SND1: variants seen among roughly 807,000 people sequenced by gnomAD.
SND1 encodes staphylococcal nuclease and tudor domain containing 1.
SND1 carries 38 observed loss-of-function variants against 121.7 expected under a neutral mutation model. The observed-to-expected ratio is 0.31, with a 90% CI of 0.24 to 0.41. The LOEUF is 0.41. SND1 is among the 10% of genes least tolerant of loss of function. SND1 has a pLI of 1.00. For synonymous variants in SND1, 401 were observed against 447.4 expected, an observed-to-expected ratio of 0.90 and a Z score of 1.31; for missense variants, 868 against 1,184.6, an observed-to-expected ratio of 0.73 and a Z score of 3.92.
At chr7:127,717,357 CT>C (rs528626869) in intron 9 of SND1, among the ~76,000 whole-genome samples, 5 of 151,732 alleles carry the variant, frequency 3.3e-5, no homozygotes, top group East Asian at 1.9e-4. Context: ...GTGTCTCAGA[CT>C]TTTTTTTTGT....
At chr7:128,087,149 G>C in intron 21 of SND1, 98 bp downstream of exon 21, 1 of 889,656 alleles carries the variant, frequency 1.1e-6, no homozygotes, top group Non-Finnish European at 1.8e-6. Flanking sequence ...TGGAAACTAT[G>C]ATGGTCTCTT....
chr7:128,074,606 CA>C lies in SND1; in HGVS notation c.1886del (p.Lys629ArgfsTer41). The C allele has an allele frequency of 6.2e-7, 1 of 1,613,924 alleles. No individual in the cohort carries two copies. ...TCCTGCTGGTGGAGCACGCGCTCTCCAAGGTCCACTTCACCGCCGAACGCAG... is the reference window on the plus strand; with the variant it reads ...TCCTGCTGGTGGAGCACGCGCTCTCCAGGTCCACTTCACCGCCGAACGCAG... Reference protein sequence around the residue: ...SVLLVEHALSKVHFTAERSSY... With the variant: ...SVLLVEHALSXVHFTAERSSY... On this transcript the variant is annotated frameshift_variant, in exon 17 of 24. Transcript: ENST00000354725. LOFTEE classifies it high-confidence loss of function.
intron 10 of SND1, among the ~76,000 whole-genome samples, chr7:127,754,903 A>T (rs2116463723): frequency 6.6e-6 from 1 of 152,338 alleles, no homozygotes; most frequent in South Asian, 2.1e-4. Flanking sequence ...AGAGTATAGT[A>T]TTCAAGTTGT....
chr7:127,824,994 G>A (rs1436629972), intron 11 of SND1, among the ~76,000 whole-genome samples: 3 of 152,134 alleles, frequency 2.0e-5, no homozygotes. Context: ...AAAAATTGGT[G>A]GGTTGATTAC....
At chr7:128,057,490 A>G (rs973470097) in intron 16 of SND1, among the ~76,000 whole-genome samples, 1 of 152,216 alleles carries the variant, frequency 6.6e-6, no homozygotes, top group African/African-American at 2.4e-5. Context: ...ATCAGCAGGG[A>G]TCCAGGCCCC....
chr7:127,896,454 G>A (rs903707165), intron 13 of SND1, among the ~76,000 whole-genome samples: 5 of 152,132 alleles, frequency 3.3e-5, no homozygotes, highest in South Asian at 4.2e-4. Flanking sequence ...ACTATCGCTC[G>A]GAAACTTGTT....
At chr7:127,916,691 T>C (rs764316968) in intron 14 of SND1, among the ~76,000 whole-genome samples, 70 of 152,102 alleles carry the variant, frequency 4.6e-4, no homozygotes, top group Non-Finnish European at 8.8e-4. Context: ...TAGAGAGAGC[T>C]TCACAAGGCA....
intron 10 of SND1, among the ~76,000 whole-genome samples, chr7:127,779,964 C>T (rs1032255796): frequency 1.4e-4 from 22 of 152,118 alleles, no homozygotes; most frequent in African/African-American, 4.6e-4. Context: ...TGTTTTATGG[C>T]GTTGTTTTTC....
chr7:127,933,369 G>A (rs986807228), intron 15 of SND1, among the ~76,000 whole-genome samples: 4 of 152,198 alleles, frequency 2.6e-5, no homozygotes. Flanking sequence ...GCAAATACGT[G>A]ATAAAAATAT....
chr7:127,747,022 T>C (rs1796994981), intron 10 of SND1, among the ~76,000 whole-genome samples: 1 of 152,224 alleles, frequency 6.6e-6, no homozygotes, highest in Admixed American at 6.5e-5. Context: ...TTTAAAAAGC[T>C]TACATTGGGG....
chr7:128,033,005 G>T (rs1438475871), intron 16 of SND1, among the ~76,000 whole-genome samples: 2 of 152,196 alleles, frequency 1.3e-5, no homozygotes, highest in African/African-American at 2.4e-5. Context: ...TGGAGCTGCA[G>T]CCGCGGCTTC....
At chr7:127,902,424 C>T (rs559143596) in intron 13 of SND1, among the ~76,000 whole-genome samples, 8 of 152,300 alleles carry the variant, frequency 5.3e-5, no homozygotes, top group South Asian at 2.1e-4. Flanking sequence ...TTCAGTCTTA[C>T]GGCTGCTCCT....
At chr7:127,764,862 G>A (rs889882967) in intron 10 of SND1, among the ~76,000 whole-genome samples, 2 of 152,128 alleles carry the variant, frequency 1.3e-5, no homozygotes, top group African/African-American at 4.8e-5. Flanking sequence ...AGTCGATCGA[G>A]GTAAATTGCT....
rs11553722 is a variant in SND1, at chr7:127,652,335, C to T, written c.-39C>T. On this transcript the variant is annotated 5_prime_UTR_variant, in exon 1 of 24. Coordinates refer to ENST00000354725, the MANE Select transcript of SND1 (RefSeq NM_014390.4). ...GACACCCACATTGACACCTCCAGTC[C>T]GGCCAGCCGCTCCACTCGTTGCCTT... 90 of 1,549,720 alleles carry T rather than the reference C, an allele frequency of 5.8e-5. No individual in the cohort carries two copies. Among genetic ancestry groups the T allele is most frequent in the Non-Finnish European group, 7.6e-5 (87 of 1,140,724 alleles).
At chr7:127,771,143 C>T (rs1305338833) in intron 10 of SND1, among the ~76,000 whole-genome samples, 1 of 152,192 alleles carries the variant, frequency 6.6e-6, no homozygotes, top group Non-Finnish European at 1.5e-5. Context: ...CGTGTTGTCA[C>T]AGGATCATAC....
chr7:128,049,901 C>G (rs1793018027), intron 16 of SND1, among the ~76,000 whole-genome samples: 1 of 152,106 alleles, frequency 6.6e-6, no homozygotes, highest in East Asian at 1.9e-4. Flanking sequence ...TTAGAATCAT[C>G]AAGTGAAAGC....
At chr7:127,950,270 C>T (rs559032377) in intron 15 of SND1, among the ~76,000 whole-genome samples, 22 of 152,122 alleles carry the variant, frequency 1.4e-4, no homozygotes, top group African/African-American at 4.1e-4. Context: ...ATACACAATG[C>T]GTTAATGGCT....
intron 12 of SND1, among the ~76,000 whole-genome samples, chr7:127,885,304 T>A (rs904416302): frequency 6.6e-6 from 1 of 152,124 alleles, no homozygotes; most frequent in Non-Finnish European, 1.5e-5. Flanking sequence ...CTCATATGCA[T>A]TGCACGTAGT....
intron 1 of SND1, among the ~76,000 whole-genome samples, chr7:127,658,139 C>G (rs1256553498): frequency 1.3e-5 from 2 of 152,104 alleles, no homozygotes; most frequent in African/African-American, 4.8e-5. Context: ...TGGCGAAACC[C>G]TATCTCTACT....
Sources: allele counts gnomAD v4.1 joint callset (sites outside exome capture counted in the v4.1 genomes callset), GRCh38; gene constraint gnomAD v4.1.1; transcripts MANE v1.5; gene names NCBI Gene and HGNC (gene_info 2026-07-23, HGNC 2026-07-21).